CFAP251: variants seen among roughly 807,000 people sequenced by gnomAD.
CFAP251 encodes cilia and flagella associated protein 251, also known as cilia- and flagella-associated protein 251.
Under a neutral mutation model 126.7 loss-of-function variants are expected in CFAP251, and 93 were observed. The observed-to-expected ratio is 0.73, with a 90% CI of 0.62 to 0.87. The LOEUF (loss-of-function observed/expected upper bound fraction) is 0.87, where lower values mean the gene tolerates loss of function less well. CFAP251 is among the 40% of genes least tolerant of loss of function. The probability of loss-of-function intolerance (pLI) is 0.00; values close to 1 mark genes in which losing one functional copy is unlikely to be tolerated. For missense variants in CFAP251, 1,287 were observed against 1,389.2 expected, an observed-to-expected ratio of 0.93 and a Z score of 1.17; for synonymous variants, 503 against 506.9, an observed-to-expected ratio of 0.99 and a Z score of 0.10.
intron 5 of CFAP251, among the ~76,000 whole-genome samples, chr12:121,940,030 A>G (rs1592972237): frequency 6.6e-6 from 1 of 152,226 alleles, no homozygotes; most frequent in Admixed American, 6.5e-5. Context: ...TAAATTAGAC[A>G]TAAATATGGT....
chr12:121,977,703 C>T (rs1448281897), intron 19 of CFAP251, among the ~76,000 whole-genome samples: 1 of 150,202 alleles, frequency 6.7e-6, no homozygotes, highest in Non-Finnish European at 1.5e-5. Context: ...GACCTGTAAT[C>T]CCAGCACTTT....
intron 8 of CFAP251, 93 bp downstream of exon 8, chr12:121,949,154 A>G: frequency 1.3e-6 from 1 of 749,528 alleles, no homozygotes; most frequent in Non-Finnish European, 2.1e-6. Flanking sequence ...ACAATATAGT[A>G]TCTCTACTTA....
At chr12:121,976,628 G>A (rs987433081) in intron 19 of CFAP251, among the ~76,000 whole-genome samples, 5 of 152,200 alleles carry the variant, frequency 3.3e-5, no homozygotes, top group African/African-American at 7.2e-5. Context: ...CAGGTAAGCC[G>A]GTTGTGGCAG....
chr12:121,990,380 A>G (rs563813930), intron 19 of CFAP251, among the ~76,000 whole-genome samples: 2 of 152,310 alleles, frequency 1.3e-5, no homozygotes, highest in African/African-American at 4.8e-5. Flanking sequence ...TGAGATCCCC[A>G]TGGGCCCCGG....
At chr12:121,924,651 C>T (rs1411504249) in intron 3 of CFAP251, among the ~76,000 whole-genome samples, 7 of 148,484 alleles carry the variant, frequency 4.7e-5, no homozygotes, top group Non-Finnish European at 5.9e-5. Context: ...AGGGTGATCT[C>T]GATCTCTGGA....
chr12:121,962,151 C>G lies in CFAP251; in HGVS notation c.2481C>G (p.Thr827=). Residue 827 remains threonine, a synonymous_variant, in exon 15 of 22, where the codon ACC becomes ACG. Transcript: ENST00000288912. The stretch of plus-strand genomic sequence containing the variant: ...AAGTGAAGCTTTTTAATGCTACTAC[C>G]AAAATGTGCAGGTAAGCACCCGGAG... ...GYKVKLFNAT[T]KMCRKTLLGP... is the part of the protein sequence containing the mutation. The G allele has an allele frequency of 6.2e-7, 1 of 1,613,160 alleles. No individual in the cohort carries two copies. The highest frequency in any genetic ancestry group is 8.5e-7 in the Non-Finnish European group (1 of 1,179,880).
chr12:121,938,311 C>CTGTTGT (rs756732212), intron 5 of CFAP251, among the ~76,000 whole-genome samples: 4 of 151,604 alleles, frequency 2.6e-5, no homozygotes, highest in Admixed American at 6.6e-5. Flanking sequence ...CCAGCCTCAT[C>CTGTTGT]TGTTGTTGTT....
At chr12:121,959,239 C>A in intron 13 of CFAP251, 145 bp downstream of exon 13, 2 of 876,852 alleles carry the variant, frequency 2.3e-6, no homozygotes, top group Non-Finnish European at 3.4e-6. Flanking sequence ...GAATTCAAGA[C>A]CAGCCTAGGA....
intron 21 of CFAP251, among the ~76,000 whole-genome samples, chr12:122,003,280 A>G (rs958587198): frequency 6.6e-6 from 1 of 152,178 alleles, no homozygotes; most frequent in Non-Finnish European, 1.5e-5. Flanking sequence ...CTCCTGAGTT[A>G]GAAACATAGT....
At chr12:121,939,816 T>C (rs1168646293) in intron 5 of CFAP251, among the ~76,000 whole-genome samples, 1 of 152,202 alleles carries the variant, frequency 6.6e-6, no homozygotes, top group Admixed American at 6.5e-5. Flanking sequence ...TCTTACTCTG[T>C]TTATAAATCT....
At chr12:121,964,582 A>G (rs1248769831) in intron 15 of CFAP251, among the ~76,000 whole-genome samples, 1 of 152,198 alleles carries the variant, frequency 6.6e-6, no homozygotes, top group African/African-American at 2.4e-5. Context: ...TCAAGGTGAT[A>G]CTCACGTAAC....
chr12:121,970,940 AC>A (rs1267606724), intron 17 of CFAP251, among the ~76,000 whole-genome samples: 2 of 152,226 alleles, frequency 1.3e-5, no homozygotes, highest in African/African-American at 4.8e-5. Context: ...AAATGCCAGT[AC>A]AGCCCCCTGG....
intron 19 of CFAP251, among the ~76,000 whole-genome samples, chr12:121,986,872 G>A (rs76506755): frequency 6.6e-6 from 1 of 151,846 alleles, no homozygotes; most frequent in South Asian, 2.1e-4. Context: ...CTATAAATTT[G>A]GGGAGACCTC....
At chr12:121,964,847 C>T (rs1565915739) in intron 15 of CFAP251, among the ~76,000 whole-genome samples, 1 of 152,002 alleles carries the variant, frequency 6.6e-6, no homozygotes, top group African/African-American at 2.4e-5. Flanking sequence ...TGCAGTGAGG[C>T]GGGATTTTAC....
At chr12:122,002,116 A>G (rs890746788) in intron 21 of CFAP251, among the ~76,000 whole-genome samples, 1 of 152,034 alleles carries the variant, frequency 6.6e-6, no homozygotes, top group African/African-American at 2.4e-5. Flanking sequence ...ATGCTTTGGG[A>G]GGCCGAGGAG....
intron 19 of CFAP251, among the ~76,000 whole-genome samples, chr12:121,995,849 G>C (rs572318592): frequency 6.6e-6 from 1 of 152,088 alleles, no homozygotes; most frequent in Non-Finnish European, 1.5e-5. Context: ...TAGATACAGC[G>C]TTAAAGGAAA....
chr12:121,996,270 C>G (rs77185251), intron 19 of CFAP251, among the ~76,000 whole-genome samples: 1,804 of 152,302 alleles, frequency 0.012, 45 homozygotes, highest in African/African-American at 0.041. Context: ...TCCCACTTCT[C>G]TGTTGCTCTT....
At chr12:121,979,605 C>T (rs1195139981) in intron 19 of CFAP251, among the ~76,000 whole-genome samples, 4 of 123,714 alleles carry the variant, frequency 3.2e-5, no homozygotes, top group East Asian at 2.9e-4. Flanking sequence ...TGCTCTGTCA[C>T]GCAGGCTGGA....
At chr12:121,975,443 G>A in intron 18 of CFAP251, 99 bp from the exon 19 acceptor site, 1 of 1,573,802 alleles carries the variant, frequency 6.4e-7, no homozygotes, top group Non-Finnish European at 8.7e-7. Context: ...CCCCCATTCA[G>A]CTTAAAAGGT....
Sources: allele counts gnomAD v4.1 joint callset (sites outside exome capture counted in the v4.1 genomes callset), GRCh38; gene constraint gnomAD v4.1.1; transcripts MANE v1.5; gene names NCBI Gene and HGNC (gene_info 2026-07-23, HGNC 2026-07-21).